The following CYP4X1 variants were observed in gnomAD, a reference collection of about 807,000 sequenced individuals.
The protein encoded by CYP4X1 is cytochrome P450 family 4 subfamily X member 1.
In CYP4X1, 44 loss-of-function variants were observed where a neutral mutation model predicts 57.9. The observed-to-expected ratio is 0.76, with a 90% CI of 0.60 to 0.98. The LOEUF (loss-of-function observed/expected upper bound fraction) is 0.98. Ranked by LOEUF, CYP4X1 falls within the 50% of genes least tolerant of loss-of-function variation. The pLI is 0.00. For synonymous variants in CYP4X1, 227 were observed against 228.6 expected (o/e 0.99, Z 0.06); for missense variants, 532 against 623.9 (o/e 0.85, Z 1.57).
the CYP4X1 span, among the ~76,000 whole-genome samples, chr1:46,986,236 T>C: frequency 6.6e-6 from 1 of 152,130 alleles, no homozygotes; most frequent in African/African-American, 2.4e-5. Context: ...CAAGTATCAA[T>C]AGTTGAATCA....
At chr1:46,974,198 G>T in the CYP4X1 span, among the ~76,000 whole-genome samples, 1 of 152,110 alleles carries the variant, frequency 6.6e-6, no homozygotes, top group Non-Finnish European at 1.5e-5. Context: ...CAGAAGCAGA[G>T]TGTTTAATTT....
intron 10 of CYP4X1, 35 bp from the exon 11 acceptor site, chr1:47,049,387 T>A: frequency 6.5e-7 from 1 of 1,536,732 alleles, no homozygotes. Context: ...TCATGTTGTT[T>A]GGGGGATGGT....
At chr1:47,017,854 G>A in the CYP4X1 span, among the ~76,000 whole-genome samples, 1 of 152,148 alleles carries the variant, frequency 6.6e-6, no homozygotes, top group Non-Finnish European at 1.5e-5. Context: ...TCACTAAAAT[G>A]TATAAAACCA....
the CYP4X1 span, among the ~76,000 whole-genome samples, chr1:46,973,850 T>C: frequency 6.6e-6 from 1 of 152,086 alleles, no homozygotes; most frequent in Non-Finnish European, 1.5e-5. Context: ...CAGTCAATCT[T>C]ATAAATTCTT....
the CYP4X1 span, among the ~76,000 whole-genome samples, chr1:47,003,596 T>C: frequency 3.3e-5 from 5 of 152,120 alleles, no homozygotes; most frequent in Non-Finnish European, 7.4e-5. Flanking sequence ...TTTTTACTCA[T>C]GTCATAAGGC....
At chr1:46,977,417 G>A in the CYP4X1 span, among the ~76,000 whole-genome samples, 1 of 152,018 alleles carries the variant, frequency 6.6e-6, no homozygotes, top group Non-Finnish European at 1.5e-5. Context: ...AAGAAGAGAA[G>A]TTTAGAGAAA....
At chr1:46,961,891 T>G in the CYP4X1 span, 1 of 766,796 alleles carries the variant, frequency 1.3e-6, no homozygotes, top group Non-Finnish European at 1.8e-6. Flanking sequence ...TAGGTTCAGT[T>G]GCTTTTTGGG....
the CYP4X1 span, among the ~76,000 whole-genome samples, chr1:47,011,549 T>C: frequency 7.2e-3 from 1,103 of 152,264 alleles, 10 homozygotes; most frequent in African/African-American, 0.024. Flanking sequence ...AAAGCCAAAA[T>C]TGACAAATGT....
downstream of CYP4X1, among the ~76,000 whole-genome samples, chr1:47,053,124 G>A (rs1644369909): frequency 6.6e-6 from 1 of 151,800 alleles, no homozygotes; most frequent in Non-Finnish European, 1.5e-5. Context: ...GTGTCCACGT[G>A]TTCTCATTGT....
chr1:47,017,939 C>T, the CYP4X1 span, among the ~76,000 whole-genome samples: 1 of 152,308 alleles, frequency 6.6e-6, no homozygotes, highest in South Asian at 2.1e-4. Flanking sequence ...CATCCTCAAC[C>T]TTGGCAAAAT....
chr1:47,006,657 G>C, the CYP4X1 span, among the ~76,000 whole-genome samples: 8 of 152,294 alleles, frequency 5.3e-5, no homozygotes, highest in East Asian at 7.7e-4. Flanking sequence ...GGAAGTGCAA[G>C]GGGTCAGGGA....
At chr1:47,051,139 G>A (rs567653754), downstream of CYP4X1, among the ~76,000 whole-genome samples, 4 of 152,234 alleles carry the variant, frequency 2.6e-5, no homozygotes, top group East Asian at 1.9e-4. Flanking sequence ...AATGCCTATC[G>A]TCACTGGCCA....
rs551510714 is a variant in CYP4X1, at chr1:47,026,020, C to G, written c.177+2026C>G. The stretch of plus-strand genomic sequence containing the variant: ...CTATTTCTGAGTCTTCAATTCTAAT[C>G]CATTGATCTATATGTCTATCCTAAC... On this transcript the variant is annotated intron_variant, in intron 1 of 11. Coordinates refer to ENST00000371901, the MANE Select transcript of CYP4X1 (RefSeq NM_178033.2). Among the ~76,000 whole-genome samples, 168 of 152,168 alleles carry G rather than the reference C, an allele frequency of 1.1e-3. 2 individuals carry two copies. Among genetic ancestry groups the G allele is most frequent in the Admixed American group, 2.2e-3 (34 of 15,282 alleles).
chr1:47,049,435 TGAGGTTCTCTCAG>T lies in CYP4X1; in HGVS notation c.1290_1302del (p.Phe431IlefsTer27). 6.2e-7 allele frequency: 1 copy of T among 1,614,086 alleles called. No homozygotes were observed. The highest frequency in any genetic ancestry group is 1.1e-5 in the South Asian group (1 of 91,078). ...CTCTCATTTCAGGTCTTTGACCCCT[TGAGGTTCTCTCAG>T]GAGAATTCTGATCAGAGACACCCCT... On this transcript the variant is annotated frameshift_variant, in exon 11 of 12. Coordinates refer to ENST00000371901, the MANE Select transcript of CYP4X1 (RefSeq NM_178033.2). LOFTEE classifies it high-confidence loss of function.
chr1:47,048,953 G>A (rs1644331806), intron 10 of CYP4X1, among the ~76,000 whole-genome samples: 1 of 152,148 alleles, frequency 6.6e-6, no homozygotes, highest in South Asian at 2.1e-4. Context: ...TTTCTAAGTG[G>A]ATGTATCTCC....
At chr1:47,000,101 G>A in the CYP4X1 span, among the ~76,000 whole-genome samples, 10 of 152,074 alleles carry the variant, frequency 6.6e-5, no homozygotes, top group East Asian at 3.8e-4. Flanking sequence ...GGAGGTGATC[G>A]GATCATGGAG....
chr1:46,997,254 T>C, the CYP4X1 span, among the ~76,000 whole-genome samples: 2 of 152,234 alleles, frequency 1.3e-5, no homozygotes, highest in African/African-American at 2.4e-5. Flanking sequence ...AGGAGGTACA[T>C]GTACATGTTT....
chr1:47,024,107 C>G (rs979847430), intron 1 of CYP4X1, 113 bp downstream of exon 1: 1 of 1,321,324 alleles, frequency 7.6e-7, no homozygotes, highest in African/African-American at 1.5e-5. Flanking sequence ...GACCCTCCGG[C>G]TTGCACTGGC....
intron 9 of CYP4X1, among the ~76,000 whole-genome samples, chr1:47,047,917 A>C (rs1024085367): frequency 1.3e-5 from 2 of 151,974 alleles, no homozygotes; most frequent in Non-Finnish European, 2.9e-5. Context: ...TTTTATACCT[A>C]AATTGTCTCC....
Sources: gnomAD v4.1 joint callset for allele counts (sites outside exome capture counted in the v4.1 genomes callset) on GRCh38, gnomAD v4.1.1 for gene constraint, MANE v1.5 for transcripts, NCBI Gene and HGNC (gene_info 2026-07-23, HGNC 2026-07-21) for gene names.